The following ZBTB37 variants were observed in gnomAD, a reference collection of about 807,000 sequenced individuals.
The protein encoded by ZBTB37 is zinc finger and BTB domain-containing protein 37.
In ZBTB37, 15 loss-of-function variants were observed where a neutral mutation model predicts 37.7. The ratio of observed to expected loss-of-function variants is 0.40; its 90% CI spans 0.27 to 0.61. The LOEUF (loss-of-function observed/expected upper bound fraction) is 0.61, where lower values mean the gene tolerates loss of function less well. ZBTB37 is among the 20% of genes least tolerant of loss of function. ZBTB37 has a pLI of 0.44. For synonymous variants in ZBTB37, 231 were observed against 220.6 expected (o/e 1.05, Z -0.42); for missense variants, 514 against 641.9 (o/e 0.80, Z 2.15).
chr1:173,899,841 A>G (rs1657191609), exon 4 of ZBTB37: 1 of 152,210 alleles, frequency 6.6e-6, no homozygotes, highest in Non-Finnish European at 1.5e-5. Flanking sequence ...TTAGGTAGTA[A>G]AATGGATCAT....
chr1:173,869,649 G>C (rs1238234668), intron 2 of ZBTB37, among the ~76,000 whole-genome samples: 1 of 112,572 alleles, frequency 8.9e-6, no homozygotes, highest in Non-Finnish European at 1.7e-5. Flanking sequence ...AAGTCTTTTT[G>C]TGGGGGGGGC....
At chr1:173,868,403 G>C (rs1421966382) in exon 1 of ZBTB37, 1 of 153,028 alleles carries the variant, frequency 6.5e-6, no homozygotes, top group Admixed American at 6.5e-5. Flanking sequence ...TCCACCCCCG[G>C]AGGTAGGTGC....
chr1:173,875,709 C>T (rs1160564481), intron 4 of ZBTB37, among the ~76,000 whole-genome samples: 1 of 151,892 alleles, frequency 6.6e-6, no homozygotes, highest in Non-Finnish European at 1.5e-5. Flanking sequence ...GGTTGCATTG[C>T]ACTGGTGCGA....
At chr1:173,901,120 T>G (rs1657241698) in exon 4 of ZBTB37, 1 of 152,242 alleles carries the variant, frequency 6.6e-6, no homozygotes, top group Non-Finnish European at 1.5e-5. Context: ...TGGGTTGGCT[T>G]GCTGATTCCT....
chr1:173,901,762 C>T (rs1657269338), exon 4 of ZBTB37: 1 of 152,162 alleles, frequency 6.6e-6, no homozygotes, highest in Non-Finnish European at 1.5e-5. Context: ...CCAGGCTCCT[C>T]ATAATTTCTG....
At chr1:173,895,303 A>G (rs1268041203) in exon 4 of ZBTB37, 1 of 152,074 alleles carries the variant, frequency 6.6e-6, no homozygotes, top group African/African-American at 2.4e-5. Flanking sequence ...GGATCTCACC[A>G]TGTTGCCTGG....
At chr1:173,885,825 A>G (rs901354352) in exon 5 of ZBTB37, 1 of 1,551,684 alleles carries the variant, frequency 6.4e-7, no homozygotes, top group Admixed American at 2.0e-5. Context: ...CGTCTGCCGC[A>G]TGTGTGGCAA....
rs762488647 is a variant in ZBTB37 at position 173,885,747 on chromosome 1, G to A, written c.1135G>A (p.Ala379Thr). The A allele has an allele frequency of 2.3e-5, 35 of 1,551,482 alleles. No individual in the cohort carries two copies. The highest frequency in any genetic ancestry group is 1.9e-4 in the African/African-American group (14 of 72,966). ...CCCTCGTCTCACCTGCATCTATTGC[G>A]CCAAATCTTTCAACCAGAAGGGAAG... is the stretch of plus-strand genomic sequence containing the variant. The change falls in exon 5 of 5, where the codon GCC becomes ACC. Residue 379 changes from alanine to threonine, a missense_variant. Physicochemically the swap from Ala to Thr is moderately conservative, Grantham distance 58 (BLOSUM62 0). Coordinates refer to ENST00000427304, the Ensembl canonical transcript of ZBTB37.
chr1:173,896,133 C>T (rs1288775447), exon 4 of ZBTB37: 1 of 152,116 alleles, frequency 6.6e-6, no homozygotes, highest in Non-Finnish European at 1.5e-5. Context: ...AAAAGAAGAC[C>T]TTGGCATTTG....
intron 4 of ZBTB37, among the ~76,000 whole-genome samples, chr1:173,881,373 T>C (rs893189119): frequency 2.0e-5 from 3 of 152,246 alleles, no homozygotes; most frequent in African/African-American, 7.2e-5. Flanking sequence ...TTTGGATTGG[T>C]TCCAAGTCTT....
intron 4 of ZBTB37, among the ~76,000 whole-genome samples, chr1:173,879,221 A>G (rs1656160331): frequency 6.6e-6 from 1 of 152,142 alleles, no homozygotes; most frequent in South Asian, 2.1e-4. Context: ...TCCATCCAGA[A>G]TCCAGCAGTG....
downstream of ZBTB37, chr1:173,886,706 A>G (rs1299011372): frequency 1.3e-5 from 2 of 153,274 alleles, no homozygotes; most frequent in East Asian, 1.9e-4. Flanking sequence ...TAGGCATCTA[A>G]TACTTTGCCT....
At chr1:173,870,102 C>T (rs1322774) in intron 2 of ZBTB37, 98 bp from the exon 3 acceptor site, 201,889 of 793,912 alleles carry the variant, frequency 0.25, 28,263 homozygotes, top group African/African-American at 0.5. Flanking sequence ...GATTTTGAAA[C>T]TTTACCAGAT....
exon 3 of ZBTB37, chr1:173,870,589 C>A (rs1459189635): frequency 1.2e-6 from 2 of 1,614,174 alleles, no homozygotes; most frequent in Non-Finnish European, 1.7e-6. Context: ...TACACAGATC[C>A]TGGAGGGCAT....
chr1:173,871,682 C>T (rs553858829), intron 3 of ZBTB37, among the ~76,000 whole-genome samples: 205 of 152,296 alleles, frequency 1.3e-3, no homozygotes, highest in Non-Finnish European at 2.1e-3. Context: ...TTTTTCATCT[C>T]TTTTTTCCCT....
At chr1:173,877,407 G>GAT (rs1433240176) in intron 4 of ZBTB37, among the ~76,000 whole-genome samples, 2 of 128,938 alleles carry the variant, frequency 1.6e-5, no homozygotes, top group Non-Finnish European at 3.2e-5. Flanking sequence ...TCCGAGACAG[G>GAT]ATCTCACTTT....
intron 4 of ZBTB37, among the ~76,000 whole-genome samples, chr1:173,875,431 T>C (rs1289183015): frequency 6.6e-6 from 1 of 150,748 alleles, no homozygotes; most frequent in Non-Finnish European, 1.5e-5. Flanking sequence ...GTTCAAACGG[T>C]TCTCCTGCCT....
chr1:173,878,373 G>T (rs1314418455), intron 4 of ZBTB37, among the ~76,000 whole-genome samples: 2 of 152,168 alleles, frequency 1.3e-5, no homozygotes, highest in African/African-American at 4.8e-5. Flanking sequence ...TCTTTTGACA[G>T]TTTTAGTACC....
At chr1:173,894,813 T>C (rs1656982113) in exon 4 of ZBTB37, 1 of 152,202 alleles carries the variant, frequency 6.6e-6, no homozygotes, top group African/African-American at 2.4e-5. Flanking sequence ...TTGTTTTGTT[T>C]TGTTTTTTGT....
Sources: allele counts gnomAD v4.1 joint callset (sites outside exome capture counted in the v4.1 genomes callset), GRCh38; gene constraint gnomAD v4.1.1; transcripts MANE v1.5; gene names NCBI Gene and HGNC (gene_info 2026-07-23, HGNC 2026-07-21).